GALNTL6: variants seen among roughly 807,000 people sequenced by gnomAD.
The protein encoded by GALNTL6 is polypeptide N-acetylgalactosaminyltransferase-like 6.
Under a neutral mutation model 73.7 loss-of-function variants are expected in GALNTL6, and 46 were observed. The ratio of observed to expected loss-of-function variants is 0.62; its 90% CI spans 0.49 to 0.80. The LOEUF is 0.80. GALNTL6 is among the 30% of genes least tolerant of loss of function. GALNTL6 has a pLI of 0.00. For synonymous variants in GALNTL6, 259 were observed against 263.7 expected, an observed-to-expected ratio of 0.98 and a Z score of 0.17; for missense variants, 604 against 755.0, an observed-to-expected ratio of 0.80 and a Z score of 2.34.
chr4:172,719,600 G>A (rs1281101506), intron 5 of GALNTL6, among the ~76,000 whole-genome samples: 5 of 152,080 alleles, frequency 3.3e-5, no homozygotes, highest in Admixed American at 1.3e-4. Flanking sequence ...GACTCAGGAC[G>A]GGTGGTGTGG....
In GALNTL6 at chr4:172,069,799, G is replaced by A. The variant is rs1208536187; in HGVS notation, c.139-159857G>A. Reference sequence around the variant, plus strand: ...ATAATAGTTGAAAATGTACTCTATGGCAGGCACAGTTCTGGGTGCCAGAAT... The same window carrying A: ...ATAATAGTTGAAAATGTACTCTATGACAGGCACAGTTCTGGGTGCCAGAAT... On this transcript the variant is annotated intron_variant, in intron 2 of 12. Transcript: ENST00000506823. 1.9e-5 allele frequency among the ~76,000 whole-genome samples: 2 copies of A among 104,608 alleles called. 1 individual carries two copies. Among genetic ancestry groups the A allele is most frequent in the East Asian group, 4.3e-4 (2 of 4,616 alleles). The allele number at this position is 104,608 out of a possible 152,430, so 68.6% of individuals were successfully genotyped here.
At chr4:172,848,475 A>T (rs934352145) in intron 7 of GALNTL6, among the ~76,000 whole-genome samples, 1 of 152,206 alleles carries the variant, frequency 6.6e-6, no homozygotes, top group South Asian at 2.1e-4. Flanking sequence ...CTTAGAATAG[A>T]CACTTAAGAA....
At chr4:172,982,122 G>T (rs1343255056) in intron 10 of GALNTL6, among the ~76,000 whole-genome samples, 1 of 152,096 alleles carries the variant, frequency 6.6e-6, no homozygotes, top group African/African-American at 2.4e-5. Context: ...TAAGTCTTTT[G>T]ATCCAAGAAC....
chr4:172,207,529 T>C (rs2110918045), intron 2 of GALNTL6, among the ~76,000 whole-genome samples: 1 of 152,260 alleles, frequency 6.6e-6, no homozygotes, highest in South Asian at 2.1e-4. Flanking sequence ...CCTGAAGAGT[T>C]TAAATAAATA....
At chr4:172,179,108 A>G (rs909171019) in intron 2 of GALNTL6, among the ~76,000 whole-genome samples, 36 of 146,992 alleles carry the variant, frequency 2.4e-4, no homozygotes, top group Non-Finnish European at 2.4e-4. Context: ...TTATGCTGCA[A>G]TAAACATACG....
chr4:172,345,592 C>T (rs937730162), intron 4 of GALNTL6, among the ~76,000 whole-genome samples: 15 of 152,160 alleles, frequency 9.9e-5, no homozygotes, highest in Admixed American at 6.5e-5. Context: ...TTGACCAGCA[C>T]ATTGATCAAA....
intron 5 of GALNTL6, among the ~76,000 whole-genome samples, chr4:172,712,285 T>C (rs1212560560): frequency 6.6e-6 from 1 of 152,206 alleles, no homozygotes; most frequent in African/African-American, 2.4e-5. Flanking sequence ...GATTTGATCA[T>C]TGATGCCACT....
chr4:173,005,648 T>G (rs1752246244), intron 10 of GALNTL6, among the ~76,000 whole-genome samples: 1 of 152,196 alleles, frequency 6.6e-6, no homozygotes, highest in South Asian at 2.1e-4. Flanking sequence ...TCTGAACATG[T>G]GCTGGAGAGA....
chr4:172,435,755 GA>G (rs1232823009), intron 5 of GALNTL6, among the ~76,000 whole-genome samples: 1 of 152,060 alleles, frequency 6.6e-6, no homozygotes, highest in Non-Finnish European at 1.5e-5. Flanking sequence ...AACCTAGAAA[GA>G]AAAGCACCGA....
At chr4:172,525,500 T>C (rs933418059) in intron 5 of GALNTL6, among the ~76,000 whole-genome samples, 4 of 152,184 alleles carry the variant, frequency 2.6e-5, no homozygotes, top group Non-Finnish European at 5.9e-5. Flanking sequence ...TATTTGTCTG[T>C]GAAATACAAA....
At chr4:171,986,030 T>C in intron 2 of GALNTL6, among the ~76,000 whole-genome samples, 1 of 99,292 alleles carries the variant, frequency 1.0e-5, no homozygotes, top group East Asian at 2.7e-4. Flanking sequence ...AGAGCCAGAC[T>C]CTGTCTCAAA....
intron 5 of GALNTL6, among the ~76,000 whole-genome samples, chr4:172,356,015 G>C (rs901391499): frequency 3.3e-5 from 5 of 152,132 alleles, no homozygotes; most frequent in African/African-American, 1.2e-4. Flanking sequence ...TGTTGGATAA[G>C]CTGCTCTGAC....
At chr4:172,970,716 G>A (rs936331598) in intron 10 of GALNTL6, among the ~76,000 whole-genome samples, 4 of 152,138 alleles carry the variant, frequency 2.6e-5, no homozygotes, top group African/African-American at 9.7e-5. Context: ...TAGTGGTCCT[G>A]AGGTGACGTA....
Position 172,006,605 on chromosome 4 carries a change from A to AC in GALNTL6, c.138+191887_138+191888insC, listed in dbSNP as rs1352754342. Among the ~76,000 whole-genome samples, 20 of 152,218 alleles carry AC rather than the reference A, an allele frequency of 1.3e-4. No homozygotes were observed. In the South Asian group the frequency reaches 2.3e-3, roughly 17 times the overall value. On this transcript the variant is annotated intron_variant, in intron 2 of 12. Transcript: ENST00000506823. ...TTATGCTACCAAACACCAGCCTGAC[A>AC]GAGTGAGACCCTGTCCAAAAAAGGA...
chr4:172,446,899 G>C (rs535550267), intron 5 of GALNTL6, among the ~76,000 whole-genome samples: 1 of 152,126 alleles, frequency 6.6e-6, no homozygotes, highest in Non-Finnish European at 1.5e-5. Context: ...TCTGACTCCT[G>C]GATGGTTAAT....
rs992971166 is a variant in GALNTL6 at position 172,239,196 on chromosome 4, G to C, written c.247+9432G>C. On this transcript the variant is annotated intron_variant, in intron 3 of 12. Coordinates refer to ENST00000506823, the MANE Select transcript of GALNTL6 (RefSeq NM_001034845.3). ...AATGGTACCAATTCTTTGTATGTCT[G>C]GTCGAATTTGGCTGTGAATCCATCT... Among the ~76,000 whole-genome samples the C allele has an allele frequency of 2.0e-5, 3 of 152,220 alleles. No homozygotes were observed. The South Asian group carries it at 6.2e-4, about 32-fold the overall frequency.
chr4:172,183,421 A>G (rs1735317845), intron 2 of GALNTL6, among the ~76,000 whole-genome samples: 2 of 152,196 alleles, frequency 1.3e-5, no homozygotes, highest in South Asian at 4.1e-4. Context: ...TGTTTTCTGA[A>G]ATGACAAATT....
At chr4:172,480,662 A>T (rs1733419219) in intron 5 of GALNTL6, among the ~76,000 whole-genome samples, 1 of 152,170 alleles carries the variant, frequency 6.6e-6, no homozygotes, top group Admixed American at 6.5e-5. Flanking sequence ...GTAAGAATGT[A>T]TTATTGTTCA....
chr4:172,848,865 A>G (rs934321094), intron 7 of GALNTL6, among the ~76,000 whole-genome samples: 2 of 152,212 alleles, frequency 1.3e-5, no homozygotes, highest in East Asian at 3.8e-4. Context: ...AGCAGAAGCT[A>G]CTGGAAGACT....
Sources: allele counts gnomAD v4.1 joint callset (sites outside exome capture counted in the v4.1 genomes callset), GRCh38; gene constraint gnomAD v4.1.1; transcripts MANE v1.5; gene names NCBI Gene and HGNC (gene_info 2026-07-23, HGNC 2026-07-21).